CDCP1: variants seen among roughly 807,000 people sequenced by gnomAD.
CDCP1 encodes CUB domain-containing protein 1.
CDCP1 carries 29 observed loss-of-function variants against 60.2 expected under a neutral mutation model. The observed-to-expected ratio is 0.48, with a 90% confidence interval of 0.36 to 0.66. The LOEUF (loss-of-function observed/expected upper bound fraction) is 0.66, where lower values mean the gene tolerates loss of function less well. Ranked by LOEUF, CDCP1 falls within the 30% of genes least tolerant of loss-of-function variation. The pLI is 0.00. For missense variants in CDCP1, 876 were observed against 1,074.3 expected, an observed-to-expected ratio of 0.82 and a Z score of 2.58; for synonymous variants, 387 against 431.1, an observed-to-expected ratio of 0.90 and a Z score of 1.27.
intron 2 of CDCP1, among the ~76,000 whole-genome samples, chr3:45,113,333 A>T (rs1407564568): frequency 6.6e-6 from 1 of 152,208 alleles, no homozygotes. Context: ...AGCTAATAAC[A>T]TCCTTTGATA....
At chr3:45,098,991 T>C (rs893902959) in intron 4 of CDCP1, among the ~76,000 whole-genome samples, 9 of 152,192 alleles carry the variant, frequency 5.9e-5, no homozygotes, top group Admixed American at 2.0e-4. Flanking sequence ...TTTTCAATGC[T>C]CTAATCTAAA....
Position 45,085,317 on chromosome 3 carries a change from C to T in CDCP1, c.*321G>A. The T allele has an allele frequency of 3.6e-6, 1 of 277,922 alleles. No homozygotes were observed. The highest frequency in any genetic ancestry group is 4.9e-5 in the Admixed American group (1 of 20,480). The allele number at this position is 277,922 out of a possible 1,614,324, so 17.2% of individuals were successfully genotyped here. ...CTGAAGAGGGCAAGCCTCTGTTTAA[C>T]ACTCTGAATCCAGGGCTTGCTGCAA... On this transcript the variant is annotated 3_prime_UTR_variant, in exon 9 of 9. Transcript: ENST00000296129. This position sits in a 1 kb window ranked among gnomAD's most constrained non-coding sequence, Gnocchi z 4.2.
chr3:45,133,788 C>A (rs1699146209), intron 1 of CDCP1, among the ~76,000 whole-genome samples: 1 of 150,460 alleles, frequency 6.6e-6, no homozygotes, highest in South Asian at 2.1e-4. Context: ...TAGCGTGGGC[C>A]CTTCCTTGGC....
At chr3:45,121,359 T>C (rs1698880289) in intron 1 of CDCP1, among the ~76,000 whole-genome samples, 1 of 152,176 alleles carries the variant, frequency 6.6e-6, no homozygotes, top group African/African-American at 2.4e-5. Flanking sequence ...AGAAACCCAG[T>C]TGCCAGGTTT....
Position 45,110,827 on chromosome 3 carries a change from C to G in CDCP1, c.670G>C (p.Glu224Gln). The change falls in exon 4 of 9, where the codon GAG becomes CAG. Residue 224 changes from glutamate to glutamine, a missense_variant. Transcript: ENST00000296129. Reference protein sequence around the residue: ...RSSIKRLCIIESVFEGEGSAT... With the variant: ...RSSIKRLCIIQSVFEGEGSAT... ...GAGCCTTCACCCTCAAACACAGACT[C>G]GATGATGCACAGACCTAGTGGGAGT... 1.2e-6 allele frequency: 2 copies of G among 1,612,770 alleles called. No homozygotes were observed. The highest frequency in any genetic ancestry group is 1.7e-6 in the Non-Finnish European group (2 of 1,179,324).
intron 4 of CDCP1, among the ~76,000 whole-genome samples, chr3:45,108,352 G>A (rs922017053): frequency 5.9e-5 from 9 of 152,142 alleles, no homozygotes; most frequent in Admixed American, 2.0e-4. Flanking sequence ...CAAAGTTAGA[G>A]GGCTTGACAC....
At chr3:45,117,597 CTTTTT>C (rs576166067) in intron 2 of CDCP1, among the ~76,000 whole-genome samples, 1 of 139,940 alleles carries the variant, frequency 7.1e-6, no homozygotes. Flanking sequence ...TCCTCAACTT[CTTTTT>C]TTTTTTTTTT....
At chr3:45,086,338 C>G (rs1171664278) in intron 8 of CDCP1, among the ~76,000 whole-genome samples, 2 of 152,210 alleles carry the variant, frequency 1.3e-5, no homozygotes, top group East Asian at 3.8e-4. Flanking sequence ...ACTATCTGTG[C>G]TCAATTCGTT....
chr3:45,140,748 C>T (rs1269790718), intron 1 of CDCP1, among the ~76,000 whole-genome samples: 1 of 152,218 alleles, frequency 6.6e-6, no homozygotes, highest in African/African-American at 2.4e-5. Flanking sequence ...TCATTTTTAT[C>T]ATTGAACACT....
In CDCP1 at chr3:45,095,530, T is replaced by C. The variant is rs764420900; in HGVS notation, c.1063A>G (p.Met355Val). The C allele has an allele frequency of 3.7e-6, 6 of 1,614,106 alleles. No individual in the cohort carries two copies. The highest frequency in any genetic ancestry group is 5.1e-6 in the Non-Finnish European group (6 of 1,180,028). The part of the protein sequence containing the change: ...YVVDLSNERA[M>V]SLTIEPRPVK... ...GGCCGTGGCTCGATGGTGAGTGACA[T>C]GGCTCGCTCATTACTCAAGTCAACC... Residue 355 changes from methionine (M) to valine (V), a missense_variant, in exon 5 of 9, where the codon ATG (methionine) becomes GTG (valine). By Grantham distance (21) the Met-to-Val change is conservative. Coordinates refer to ENST00000296129, the MANE Select transcript of CDCP1 (RefSeq NM_022842.5).
In CDCP1 at chr3:45,091,067, G is replaced by T; in HGVS notation, c.1993+106C>A. On this transcript the variant is annotated intron_variant, in intron 7 of 8. Transcript: ENST00000296129. This position sits in a 1 kb window ranked among gnomAD's most constrained non-coding sequence, Gnocchi z 4.8. Reference sequence around the variant, plus strand: ...GCAATAGCTGACTGATACATGGACAGTCAGGACTCAATCTGTGATTCTGAC... The same window carrying T: ...GCAATAGCTGACTGATACATGGACATTCAGGACTCAATCTGTGATTCTGAC... 7.8e-7 allele frequency: 1 copy of T among 1,274,558 alleles called. No individual in the cohort carries two copies. Among genetic ancestry groups the T allele is most frequent in the Non-Finnish European group, 1.1e-6 (1 of 918,220 alleles). The allele number at this position is 1,274,558 out of a possible 1,614,324, so 79.0% of individuals were successfully genotyped here.
At chr3:45,113,752 C>T (rs781462445) in intron 2 of CDCP1, among the ~76,000 whole-genome samples, 4 of 152,176 alleles carry the variant, frequency 2.6e-5, no homozygotes, top group African/African-American at 4.8e-5. Context: ...CTTGCCAATG[C>T]GCTATGCTGT....
chr3:45,125,082 T>G (rs1698955123), intron 1 of CDCP1, among the ~76,000 whole-genome samples: 1 of 152,132 alleles, frequency 6.6e-6, no homozygotes, highest in Non-Finnish European at 1.5e-5. Flanking sequence ...TGACTTAAGA[T>G]GGGTCTAAAA....
intron 4 of CDCP1, among the ~76,000 whole-genome samples, chr3:45,100,161 T>A (rs1698466718): frequency 6.6e-6 from 1 of 152,186 alleles, no homozygotes; most frequent in South Asian, 2.1e-4. Context: ...TTCTCTTAGA[T>A]TGGTCAGATG....
At chr3:45,133,238 G>A (rs1362047710) in intron 1 of CDCP1, among the ~76,000 whole-genome samples, 1 of 152,026 alleles carries the variant, frequency 6.6e-6, no homozygotes, top group Non-Finnish European at 1.5e-5. Context: ...ATGCTCAGAA[G>A]AGCACCACAA....
chr3:45,105,317 T>A (rs191616097), intron 4 of CDCP1, among the ~76,000 whole-genome samples: 1 of 152,136 alleles, frequency 6.6e-6, no homozygotes, highest in East Asian at 1.9e-4. Flanking sequence ...AATTTAAGAC[T>A]CATGGAACAC....
At chr3:45,115,049 AT>A (rs1698760797) in intron 2 of CDCP1, among the ~76,000 whole-genome samples, 1 of 152,134 alleles carries the variant, frequency 6.6e-6, no homozygotes, top group Non-Finnish European at 1.5e-5. Flanking sequence ...TTAACTGATT[AT>A]AAAAGTAATG....
rs191865945 is a variant in CDCP1 at position 45,101,789 on chromosome 3, G to A, written c.1025-6221C>T. The stretch of plus-strand genomic sequence containing the variant: ...TAATCCTAGCTACTCGGGAGGCTGA[G>A]GCAGGAGAATCACTTGAATCTGGAA... On this transcript the variant is annotated intron_variant, in intron 4 of 8. Coordinates refer to ENST00000296129, the MANE Select transcript of CDCP1 (RefSeq NM_022842.5). Among the ~76,000 whole-genome samples, 233 of 151,776 alleles carry A rather than the reference G, an allele frequency of 1.5e-3. 2 individuals are homozygous for A. Among genetic ancestry groups the A allele is most frequent in the Non-Finnish European group, 3.1e-4 (21 of 67,966 alleles).
intron 2 of CDCP1, among the ~76,000 whole-genome samples, chr3:45,113,514 T>G (rs931284974): frequency 2.0e-5 from 3 of 152,182 alleles, no homozygotes; most frequent in Non-Finnish European, 4.4e-5. Context: ...AATAATAATT[T>G]GTGAATCTTT....
Sources: gnomAD v4.1 joint callset for allele counts (sites outside exome capture counted in the v4.1 genomes callset) on GRCh38, gnomAD v4.1.1 for gene constraint, Gnocchi (gnomAD v3.1) non-coding constraint, MANE v1.5 for transcripts, NCBI Gene and HGNC (gene_info 2026-07-23, HGNC 2026-07-21) for gene names.